Variants in HASPIN observed in about 807,000 individuals in gnomAD.
The protein encoded by HASPIN is histone H3 associated protein kinase.
In HASPIN, 24 loss-of-function variants were observed where a neutral mutation model predicts 28.8. The ratio of observed to expected loss-of-function variants is 0.83; its 90% CI spans 0.60 to 1.17. The LOEUF is 1.17. HASPIN is among the 50% of genes most tolerant of loss of function. The pLI, the probability that HASPIN is intolerant of heterozygous loss-of-function variation, is 0.00. For missense variants in HASPIN, 1,016 were observed against 1,018.5 expected (o/e 1.00, Z 0.03); for synonymous variants, 440 against 413.1 (o/e 1.07, Z -0.79).
chr17:3,724,068 A>C lies in HASPIN; in HGVS notation c.133A>C (p.Asn45His). The C allele has an allele frequency of 6.3e-7, 1 of 1,597,188 alleles. No homozygotes were observed. Among genetic ancestry groups the C allele is most frequent in the Non-Finnish European group, 8.5e-7 (1 of 1,177,970 alleles). The change falls in exon 1 of 1, where the codon AAC becomes CAC. Residue 45 changes from asparagine to histidine, a missense_variant. Asn to His is a moderately conservative substitution (Grantham distance 68). Around this residue, in one of 3 missense-constraint regions of HASPIN, gnomAD observed 881 missense variants for 845.5 expected, o/e 1.04. Coordinates refer to ENST00000325418, the MANE Select transcript of HASPIN (RefSeq NM_031965.2). ...FPPQDRRRFF[N>H]SSGSSDASIG... ...GCCGCAGGACCGGAGGCGTTTCTTCAACAGCAGCGGCAGCAGCGACGCCAG... is the reference window on the plus strand; with the variant it reads ...GCCGCAGGACCGGAGGCGTTTCTTCCACAGCAGCGGCAGCAGCGACGCCAG...
At position 3,724,402 on chromosome 17, in the gene HASPIN, C is replaced by G. The variant is rs376550145; in HGVS notation, c.467C>G (p.Pro156Arg). The G allele has an allele frequency of 1.2e-6, 2 of 1,611,444 alleles. No homozygotes were observed. Among genetic ancestry groups the G allele is most frequent in the Non-Finnish European group, 1.7e-6 (2 of 1,179,454 alleles). Residue 156 changes from proline to arginine, a missense_variant, in exon 1 of 1, where the codon CCC (proline) becomes CGC (arginine). By Grantham distance (103) the Pro-to-Arg change is moderately radical. Around this residue, in one of 3 missense-constraint regions of HASPIN, gnomAD observed 881 missense variants for 845.5 expected, o/e 1.04. Transcript: ENST00000325418. ...CCGGACCTCAGCGTGTGCGGCCAGCCCAGGGACGGCGACGAGCTGGGCATC... is the reference window on the plus strand; with the variant it reads ...CCGGACCTCAGCGTGTGCGGCCAGCGCAGGGACGGCGACGAGCTGGGCATC... ...LSPDLSVCGQ[P>R]RDGDELGISA...
rs371118481 is a variant in HASPIN, at chr17:3,725,653, T to C, written c.1718T>C (p.Leu573Pro). 4 of 1,600,026 alleles carry C rather than the reference T, an allele frequency of 2.5e-6. No individual in the cohort carries two copies. The highest frequency in any genetic ancestry group is 3.4e-6 in the Non-Finnish European group (4 of 1,171,718). ...GTCCAGGGATCTTACCCTCCCTTGC[T>C]CCTCAAAGCCTGGGATCACTATAAT... is the stretch of plus-strand genomic sequence containing the variant. Reference protein sequence around the residue: ...HCVQGSYPPLLLKAWDHYNST... With the variant: ...HCVQGSYPPLPLKAWDHYNST... The change falls in exon 1 of 1, where the codon CTC (leucine) becomes CCC (proline). Residue 573 changes from leucine (L) to proline (P), a missense_variant. Transcript: ENST00000325418.
chr17:3,724,233 C>T lies in HASPIN; in HGVS notation c.298C>T (p.Arg100Cys), dbSNP rs763743309. Residue 100 changes from arginine to cysteine, a missense_variant, in exon 1 of 1, where the codon CGC (arginine) becomes TGC (cysteine). This residue lies in a region of HASPIN where 881 missense variants were observed against 845.5 expected (regional missense o/e 1.04). Transcript: ENST00000325418. ...GCCCAGCCTGACCGTGACCCCAAAGCGCTGGAAGCTGCGAGCTCGCCCAAG... is the reference window on the plus strand; with the variant it reads ...GCCCAGCCTGACCGTGACCCCAAAGTGCTGGAAGCTGCGAGCTCGCCCAAG... ...DRPSLTVTPKRWKLRARPSLT... is the reference protein window; with the variant it reads ...DRPSLTVTPKCWKLRARPSLT... 7 of 1,593,540 alleles carry T rather than the reference C, an allele frequency of 4.4e-6. No individual in the cohort carries two copies. The East Asian group carries it at 1.6e-4, about 36-fold the overall frequency.
At position 3,726,053 on chromosome 17, in the gene HASPIN, G is replaced by A; in HGVS notation, c.2118G>A (p.Met706Ile). The change falls in exon 1 of 1, where the codon ATG becomes ATA. Residue 706 changes from methionine to isoleucine, a missense_variant. Physicochemically the swap from Met to Ile is conservative, Grantham distance 10. This residue lies in a region of HASPIN where 129 missense variants were observed against 156.2 expected (regional missense o/e 0.83). Transcript: ENST00000325418. ...DGIVVFCDVS[M>I]DEDLFTGDGD... is the part of the protein sequence containing the mutation. ...TTGTGGTTTTCTGTGACGTTTCCAT[G>A]GATGAGGACCTGTTTACCGGTGACG... 6.2e-7 allele frequency: 1 copy of A among 1,614,178 alleles called. No homozygotes were observed. Among genetic ancestry groups the A allele is most frequent in the Non-Finnish European group, 8.5e-7 (1 of 1,180,038 alleles).
rs562364542 is a variant in HASPIN, at chr17:3,724,234, G to C, written c.299G>C (p.Arg100Pro). ...CCCAGCCTGACCGTGACCCCAAAGCGCTGGAAGCTGCGAGCTCGCCCAAGC... is the reference window on the plus strand; with the variant it reads ...CCCAGCCTGACCGTGACCCCAAAGCCCTGGAAGCTGCGAGCTCGCCCAAGC... ...DRPSLTVTPK[R>P]WKLRARPSLT... The change falls in exon 1 of 1, where the codon CGC becomes CCC. Residue 100 changes from arginine (R) to proline (P), a missense_variant. Transcript: ENST00000325418. 2.5e-5 allele frequency: 40 copies of C among 1,593,214 alleles called. No homozygotes were observed. The African/African-American group carries it at 3.9e-4, about 15-fold the overall frequency.
Position 3,724,922 on chromosome 17 carries a change from C to A in HASPIN, c.987C>A (p.Asp329Glu). Residue 329 changes from aspartate (D) to glutamate (E), a missense_variant, in exon 1 of 1, where the codon GAC becomes GAA. This residue lies in a region of HASPIN where 881 missense variants were observed against 845.5 expected (regional missense o/e 1.04). Coordinates refer to ENST00000325418, the MANE Select transcript of HASPIN (RefSeq NM_031965.2). ...GCCGCATTGTGCCAAGGGGAATAGACAGGCTGGAGAGAACTAGATCAAGCC... is the reference window on the plus strand; with the variant it reads ...GCCGCATTGTGCCAAGGGGAATAGAAAGGCTGGAGAGAACTAGATCAAGCC... Reference protein sequence around the residue: ...PKGRIVPRGIDRLERTRSSRK... With the variant: ...PKGRIVPRGIERLERTRSSRK... The A allele has an allele frequency of 6.2e-7, 1 of 1,613,736 alleles. No homozygotes were observed. Among genetic ancestry groups the A allele is most frequent in the Non-Finnish European group, 8.5e-7 (1 of 1,179,860 alleles).
Position 3,726,256 on chromosome 17 carries a change from TC to T in HASPIN, c.2323del (p.Gln775ArgfsTer8). The T allele has an allele frequency of 4.3e-6, 7 of 1,614,102 alleles. No individual in the cohort carries two copies. Among genetic ancestry groups the T allele is most frequent in the Non-Finnish European group, 5.9e-6 (7 of 1,180,016 alleles). Reference sequence around the variant, plus strand: ...GCCATGAAGCAAATTAAGAGAAAAATCCAGGAGTTCCACAGGACAATGCTGA... The same window carrying T: ...GCCATGAAGCAAATTAAGAGAAAAATCAGGAGTTCCACAGGACAATGCTGA... ...TPAMKQIKRKIQEFHRTMLNF... is the reference protein window; with the variant it reads ...TPAMKQIKRKXQEFHRTMLNF... On this transcript the variant is annotated frameshift_variant, in exon 1 of 1. Transcript: ENST00000325418. LOFTEE classifies it high-confidence loss of function.
rs753378825 is a variant in HASPIN, at chr17:3,724,758, CTG to C, written c.824_825del (p.Leu275ArgfsTer60). 1.2e-6 allele frequency: 2 copies of C among 1,614,176 alleles called. No homozygotes were observed. The highest frequency in any genetic ancestry group is 8.5e-7 in the Non-Finnish European group (1 of 1,180,030). ...GAGAGAGTCCTGCTGTAAAAGGAAA[CTG>C]GTGGTGGGAAATGGACCAGAGGGTC... ...NMRESCCKRK[L>X]VVGNGPEGPG... On this transcript the variant is annotated frameshift_variant, in exon 1 of 1. Coordinates refer to ENST00000325418, the MANE Select transcript of HASPIN (RefSeq NM_031965.2). LOFTEE classifies it low-confidence loss of function (END_TRUNC).
Position 3,724,567 on chromosome 17 carries a change from C to T in HASPIN, c.632C>T (p.Ser211Phe). 1 of 1,614,186 alleles carries T rather than the reference C, an allele frequency of 6.2e-7. No homozygotes were observed. Among genetic ancestry groups the T allele is most frequent in the Non-Finnish European group, 8.5e-7 (1 of 1,180,030 alleles). ...VPSGLHLPEV[S>F]LDRASLPCSQ... is the part of the protein sequence containing the mutation. ...AGCGGCCTCCACCTCCCAGAAGTCT[C>T]CCTGGACCGAGCATCTCTCCCCTGC... Residue 211 changes from serine to phenylalanine, a missense_variant, in exon 1 of 1, where the codon TCC (serine) becomes TTC (phenylalanine). Physicochemically the swap from Ser to Phe is radical, Grantham distance 155. This residue lies in a region of HASPIN where 881 missense variants were observed against 845.5 expected (regional missense o/e 1.04). Transcript: ENST00000325418.
At position 3,725,693 on chromosome 17, in the gene HASPIN, T is replaced by C. The variant is rs143410089; in HGVS notation, c.1758T>C (p.Ser586=). 3 of 1,579,532 alleles carry C rather than the reference T, an allele frequency of 1.9e-6. No homozygotes were observed. Among genetic ancestry groups the C allele is most frequent in the Non-Finnish European group, 2.6e-6 (3 of 1,163,072 alleles). The change falls in exon 1 of 1, where the codon TCT becomes TCC. Residue 586 remains serine (S), a synonymous_variant. Coordinates refer to ENST00000325418, the MANE Select transcript of HASPIN (RefSeq NM_031965.2). Reference sequence around the variant, plus strand: ...ATCACTATAATTCAACCAAAGGCTCTGCAAATGACCGGCCTGATTTTTTTA... The same window carrying C: ...ATCACTATAATTCAACCAAAGGCTCCGCAAATGACCGGCCTGATTTTTTTA... ...AWDHYNSTKG[S]ANDRPDFFKD...
chr17:3,723,994 A>C lies in HASPIN; in HGVS notation c.59A>C (p.Asp20Ala), dbSNP rs979018899. 4 of 1,592,472 alleles carry C rather than the reference A, an allele frequency of 2.5e-6. No homozygotes were observed. The highest frequency in any genetic ancestry group is 2.7e-5 in the African/African-American group (2 of 74,002). The change falls in exon 1 of 1, where the codon GAC becomes GCC. Residue 20 changes from aspartate (D) to alanine (A), a missense_variant. Coordinates refer to ENST00000325418, the MANE Select transcript of HASPIN (RefSeq NM_031965.2). ...SRLFRTYGAA[D>A]GRRQRRPGRE... The stretch of plus-strand genomic sequence containing the variant: ...CTTTTCCGCACATATGGGGCTGCGG[A>C]CGGCAGGAGACAGCGGCGGCCGGGC...
Position 3,725,786 on chromosome 17 carries a change from C to A in HASPIN, c.1851C>A (p.Thr617=), listed in dbSNP as rs1275771768. Reference sequence around the variant, plus strand: ...GGATTGACTTAGAGCAAATGCGAACCAAGTTGTCTTCCTTGGCTACTGCAA... The same window carrying A: ...GGATTGACTTAGAGCAAATGCGAACAAAGTTGTCTTCCTTGGCTACTGCAA... The part of the protein sequence containing the change: ...FGGIDLEQMR[T]KLSSLATAKS... The change falls in exon 1 of 1, where the codon ACC becomes ACA. Residue 617 remains threonine (T), a synonymous_variant. Coordinates refer to ENST00000325418, the MANE Select transcript of HASPIN (RefSeq NM_031965.2). 4 of 1,603,604 alleles carry A rather than the reference C, an allele frequency of 2.5e-6. No individual in the cohort carries two copies. The highest frequency in any genetic ancestry group is 3.4e-6 in the Non-Finnish European group (4 of 1,173,260).
chr17:3,724,154 C>G lies in HASPIN; in HGVS notation c.219C>G (p.Gly73=). The change falls in exon 1 of 1, where the codon GGC becomes GGG. Residue 73 remains glycine (G), a synonymous_variant. Transcript: ENST00000325418. ...PDDPDDPDFP[G]SPVRRRRRRP... is the part of the protein sequence containing the mutation. ...ATCCCGACGACCCCGACTTCCCCGG[C>G]AGCCCGGTGAGGCGGCGGCGGAGGC... 6.3e-7 allele frequency: 1 copy of G among 1,594,950 alleles called. No homozygotes were observed. Among genetic ancestry groups the G allele is most frequent in the Non-Finnish European group, 8.5e-7 (1 of 1,177,156 alleles).
rs916028366 is a variant in HASPIN, at chr17:3,724,025, A to G, written c.90A>G (p.Glu30=). The part of the protein sequence containing the change: ...DGRRQRRPGR[E]AAQWFPPQDR... The stretch of plus-strand genomic sequence containing the variant: ...GGAGACAGCGGCGGCCGGGCCGGGA[A>G]GCCGCGCAGTGGTTCCCGCCGCAGG... Residue 30 remains glutamate, a synonymous_variant, in exon 1 of 1, where the codon GAA becomes GAG. Transcript: ENST00000325418. The G allele has an allele frequency of 6.3e-7, 1 of 1,590,868 alleles. No individual in the cohort carries two copies. Among genetic ancestry groups the G allele is most frequent in the African/African-American group, 1.3e-5 (1 of 74,224 alleles).
chr17:3,723,916 C>G lies in HASPIN; in HGVS notation c.-20C>G, dbSNP rs775312642. 7.8e-6 allele frequency: 12 copies of G among 1,541,594 alleles called. No individual in the cohort carries two copies. In the South Asian group the frequency reaches 1.4e-4, roughly 17 times the overall value. On this transcript the variant is annotated 5_prime_UTR_variant, in exon 1 of 1. Coordinates refer to ENST00000325418, the MANE Select transcript of HASPIN (RefSeq NM_031965.2). ...AAGTCTCGCGATGTTTGCGTTTGAA[C>G]CTCTTGGCGGGTGCCGGCCATGGCG...
At position 3,725,638 on chromosome 17, in the gene HASPIN, C is replaced by A; in HGVS notation, c.1703C>A (p.Ser568Tyr). Reference sequence around the variant, plus strand: ...AACTCAGTGCACTGTGTCCAGGGATCTTACCCTCCCTTGCTCCTCAAAGCC... The same window carrying A: ...AACTCAGTGCACTGTGTCCAGGGATATTACCCTCCCTTGCTCCTCAAAGCC... ...GLNSVHCVQG[S>Y]YPPLLLKAWD... Residue 568 changes from serine (S) to tyrosine (Y), a missense_variant, in exon 1 of 1, where the codon TCT becomes TAT. Physicochemically the swap from Ser to Tyr is moderately radical, Grantham distance 144. Coordinates refer to ENST00000325418, the MANE Select transcript of HASPIN (RefSeq NM_031965.2). 1 of 1,606,406 alleles carries A rather than the reference C, an allele frequency of 6.2e-7. No homozygotes were observed. The highest frequency in any genetic ancestry group is 8.5e-7 in the Non-Finnish European group (1 of 1,174,782).
Position 3,724,330 on chromosome 17 carries a change from C to A in HASPIN, c.395C>A (p.Pro132Gln). Residue 132 changes from proline to glutamine, a missense_variant, in exon 1 of 1, where the codon CCG becomes CAG. By Grantham distance (76) the Pro-to-Gln change is moderately conservative. This residue lies in a region of HASPIN where 881 missense variants were observed against 845.5 expected (regional missense o/e 1.04). Transcript: ENST00000325418. ...CAGAAGTGCAGCACACCCTGCGGCC[C>A]GCTCCGACTTCCGCCCTTCCCCAGC... ...PPQKCSTPCG[P>Q]LRLPPFPSRD... The A allele has an allele frequency of 6.3e-7, 1 of 1,589,398 alleles. No homozygotes were observed. The highest frequency in any genetic ancestry group is 8.5e-7 in the Non-Finnish European group (1 of 1,173,532).
At position 3,724,860 on chromosome 17, in the gene HASPIN, G is replaced by A. The variant is rs952579957; in HGVS notation, c.925G>A (p.Val309Ile). 3.1e-6 allele frequency: 5 copies of A among 1,613,884 alleles called. No individual in the cohort carries two copies. In the African/African-American group the frequency reaches 5.3e-5, roughly 17 times the overall value. ...TCAAGAGAGAGGGCTTCAAGAGGCC[G>A]TCCGGAGAGAGCATCAGGAGGCCAG... is the stretch of plus-strand genomic sequence containing the variant. Reference protein sequence around the residue: ...SCQERGLQEAVRREHQEASVP... With the variant: ...SCQERGLQEAIRREHQEASVP... The change falls in exon 1 of 1, where the codon GTC becomes ATC. Residue 309 changes from valine to isoleucine, a missense_variant. Transcript: ENST00000325418.
rs2051182774 is a variant in HASPIN, at chr17:3,725,281, C to G, written c.1346C>G (p.Thr449Ser). 6.2e-7 allele frequency: 1 copy of G among 1,614,180 alleles called. No homozygotes were observed. Among genetic ancestry groups the G allele is most frequent in the Non-Finnish European group, 8.5e-7 (1 of 1,180,028 alleles). Residue 449 changes from threonine to serine, a missense_variant, in exon 1 of 1, where the codon ACT (threonine) becomes AGT (serine). Thr to Ser is a moderately conservative substitution (Grantham distance 58). Around this residue, in one of 3 missense-constraint regions of HASPIN, gnomAD observed 881 missense variants for 845.5 expected, o/e 1.04. Coordinates refer to ENST00000325418, the MANE Select transcript of HASPIN (RefSeq NM_031965.2). ...SSMYLLSPLNTLSISNKKASD... is the reference protein window; with the variant it reads ...SSMYLLSPLNSLSISNKKASD... ...ATGTATTTGCTAAGCCCCTTAAACA[C>G]TCTAAGTATTTCAAACAAAAAGGCA...
Sources: gnomAD v4.1 joint callset for allele counts on GRCh38, gnomAD v4.1.1 for gene constraint, gnomAD v4.1.1 regional missense constraint, MANE v1.5 for transcripts, NCBI Gene and HGNC (gene_info 2026-07-23, HGNC 2026-07-21) for gene names.